The following SORCS1 variants were observed in gnomAD, a reference collection of about 807,000 sequenced individuals.
SORCS1 encodes VPS10 domain-containing receptor SorCS1.
SORCS1 carries 60 observed loss-of-function variants against 146.1 expected under a neutral mutation model. The observed-to-expected ratio is 0.41, with a 90% CI of 0.33 to 0.51. SORCS1 has a LOEUF of 0.51. Among genes scored for constraint, SORCS1 ranks in the 20% least tolerant of loss-of-function variants. The pLI is 0.21. For missense variants in SORCS1, 1,352 were observed against 1,487.6 expected, an observed-to-expected ratio of 0.91 and a Z score of 1.50; for synonymous variants, 637 against 584.0, an observed-to-expected ratio of 1.09 and a Z score of -1.31.
In SORCS1 at chr10:106,909,302, A is replaced by C. The variant is rs192721324; in HGVS notation, c.626+47211T>G. Among the ~76,000 whole-genome samples the C allele has an allele frequency of 1.6e-3, 245 of 152,346 alleles. 1 individual carries two copies. Among genetic ancestry groups the C allele is most frequent in the Non-Finnish European group, 1.5e-3 (104 of 68,028 alleles). ...TTGCTGATTTCACTAGGGTGAAAAG[A>C]ATGCATTTCCTTTTGTCACAAGTCA... is the stretch of plus-strand genomic sequence containing the variant. On this transcript the variant is annotated intron_variant, in intron 2 of 25. Coordinates refer to ENST00000263054, the MANE Select transcript of SORCS1 (RefSeq NM_052918.5).
chr10:106,881,883 G>C (rs1309839893), intron 2 of SORCS1, among the ~76,000 whole-genome samples: 1 of 152,152 alleles, frequency 6.6e-6, no homozygotes, highest in Non-Finnish European at 1.5e-5. Context: ...GTATGCCATA[G>C]GCCCTGCAAA....
chr10:107,133,095 A>G (rs193002621), intron 1 of SORCS1, among the ~76,000 whole-genome samples: 2 of 152,318 alleles, frequency 1.3e-5, no homozygotes, highest in Admixed American at 1.3e-4. Flanking sequence ...ACAGAGTCTG[A>G]CAAAATAAGA....
At position 106,652,528 on chromosome 10, in the gene SORCS1, AATT is replaced by A; in HGVS notation, c.2326_2328del (p.Asn776del). 1.2e-6 allele frequency: 2 copies of A among 1,613,792 alleles called. No individual in the cohort carries two copies. The highest frequency in any genetic ancestry group is 1.7e-6 in the Non-Finnish European group (2 of 1,179,700). Reference sequence around the variant, plus strand: ...TACTGTTCCCTTACGCCATCAGTGCAATTATTGGAAACCACCTTCCTGTACCTA... The same window carrying A: ...TACTGTTCCCTTACGCCATCAGTGCAATTGGAAACCACCTTCCTGTACCTA... On this transcript the variant is annotated inframe_deletion, in exon 18 of 26. Coordinates refer to ENST00000263054, the MANE Select transcript of SORCS1 (RefSeq NM_052918.5).
At chr10:106,669,511 G>A (rs547700907) in intron 16 of SORCS1, among the ~76,000 whole-genome samples, 1 of 152,298 alleles carries the variant, frequency 6.6e-6, no homozygotes, top group Non-Finnish European at 1.5e-5. Flanking sequence ...CGAAGAAGCA[G>A]CAGTGGCTTC....
chr10:107,097,144 A>G (rs764712700), intron 1 of SORCS1, among the ~76,000 whole-genome samples: 2 of 152,248 alleles, frequency 1.3e-5, no homozygotes, highest in Non-Finnish European at 2.9e-5. Flanking sequence ...GTGTTAGGAC[A>G]TAGTTTTCAA....
At chr10:106,889,768 C>G (rs1437732315) in intron 2 of SORCS1, among the ~76,000 whole-genome samples, 2 of 151,756 alleles carry the variant, frequency 1.3e-5, no homozygotes, top group South Asian at 2.1e-4. Flanking sequence ...GGCGGTAGTC[C>G]CAGCTACTCG....
chr10:106,920,958 A>G (rs573067810), intron 2 of SORCS1, among the ~76,000 whole-genome samples: 1 of 152,240 alleles, frequency 6.6e-6, no homozygotes, highest in East Asian at 1.9e-4. Context: ...AGAGGACCCC[A>G]GCAACAGTCT....
At chr10:107,058,462 G>A (rs569140334) in intron 1 of SORCS1, among the ~76,000 whole-genome samples, 4 of 152,140 alleles carry the variant, frequency 2.6e-5, no homozygotes, top group Non-Finnish European at 4.4e-5. Context: ...AACCTAGAAC[G>A]TGTTAGTATA....
intron 21 of SORCS1, among the ~76,000 whole-genome samples, chr10:106,612,461 T>C (rs1176914570): frequency 1.4e-5 from 2 of 146,684 alleles, no homozygotes; most frequent in Non-Finnish European, 3.0e-5. Flanking sequence ...CTGATTTGCA[T>C]AGGGCTTAGG....
At chr10:106,969,980 C>T (rs1292366988) in intron 1 of SORCS1, 1 of 152,314 alleles carries the variant, frequency 6.6e-6, no homozygotes, top group Non-Finnish European at 1.5e-5. Context: ...TGAGCCCAGG[C>T]TCCGCTGCCA....
At chr10:106,731,360 C>T (rs1294187733) in intron 5 of SORCS1, among the ~76,000 whole-genome samples, 2 of 151,658 alleles carry the variant, frequency 1.3e-5, no homozygotes, top group Admixed American at 6.6e-5. Context: ...TATCCACGAC[C>T]CTGCACAGAC....
At chr10:106,911,848 C>T (rs1240608425) in intron 2 of SORCS1, among the ~76,000 whole-genome samples, 1 of 152,126 alleles carries the variant, frequency 6.6e-6, no homozygotes, top group Non-Finnish European at 1.5e-5. Context: ...TGTGGTGGCT[C>T]ACGCCTGTGA....
chr10:106,801,900 T>G (rs747859799), intron 3 of SORCS1, among the ~76,000 whole-genome samples: 2 of 152,194 alleles, frequency 1.3e-5, no homozygotes, highest in African/African-American at 2.4e-5. Context: ...CAAGACCACA[T>G]AGATGATAAG....
At chr10:107,132,181 C>T (rs1357622934) in intron 1 of SORCS1, among the ~76,000 whole-genome samples, 2 of 152,066 alleles carry the variant, frequency 1.3e-5, no homozygotes, top group African/African-American at 4.8e-5. Flanking sequence ...TCATCTTTCC[C>T]ACCCATCATC....
chr10:106,577,269 A>G lies in SORCS1; in HGVS notation c.*151T>C, dbSNP rs1172479639. The G allele has an allele frequency of 1.2e-6, 2 of 1,605,178 alleles. No individual in the cohort carries two copies. The highest frequency in any genetic ancestry group is 8.5e-7 in the Non-Finnish European group (1 of 1,174,848). Reference sequence around the variant, plus strand: ...TTTCTTTTGTGCTTTGATTCTCAGCAACTATGGAAATACTTCCTGGCAAAA... The same window carrying G: ...TTTCTTTTGTGCTTTGATTCTCAGCGACTATGGAAATACTTCCTGGCAAAA... On this transcript the variant is annotated 3_prime_UTR_variant, in exon 26 of 26. Coordinates refer to ENST00000263054, the MANE Select transcript of SORCS1 (RefSeq NM_052918.5).
At chr10:107,065,631 C>A (rs1444141464) in intron 1 of SORCS1, among the ~76,000 whole-genome samples, 1 of 151,318 alleles carries the variant, frequency 6.6e-6, no homozygotes, top group South Asian at 2.1e-4. Flanking sequence ...GATCCTCCCA[C>A]CTCAGCTCCC....
At chr10:106,939,473 T>G (rs1371847299) in intron 2 of SORCS1, among the ~76,000 whole-genome samples, 1 of 152,202 alleles carries the variant, frequency 6.6e-6, no homozygotes, top group Non-Finnish European at 1.5e-5. Context: ...AAAAGTCTTT[T>G]TAAAGTTTTG....
At chr10:106,630,865 T>C (rs185576498) in intron 18 of SORCS1, among the ~76,000 whole-genome samples, 1 of 150,158 alleles carries the variant, frequency 6.7e-6, no homozygotes, top group Non-Finnish European at 1.5e-5. Flanking sequence ...AAAAAAGAAA[T>C]GGCCTTTGGA....
chr10:106,841,076 G>C (rs1949017249), intron 2 of SORCS1, among the ~76,000 whole-genome samples: 1 of 151,372 alleles, frequency 6.6e-6, no homozygotes, highest in South Asian at 2.1e-4. Context: ...AGATGGTCTA[G>C]ATCTCCTGAC....
Sources: allele counts gnomAD v4.1 joint callset (sites outside exome capture counted in the v4.1 genomes callset), GRCh38; gene constraint gnomAD v4.1.1; transcripts MANE v1.5; gene names NCBI Gene and HGNC (gene_info 2026-07-23, HGNC 2026-07-21).